Variants in UTP20 observed in about 807,000 individuals in gnomAD.
The protein encoded by UTP20 is UTP20 small subunit processome component.
Under a neutral mutation model 329.5 loss-of-function variants are expected in UTP20, and 164 were observed. The observed-to-expected ratio is 0.50, with a 90% confidence interval of 0.44 to 0.57. The LOEUF (loss-of-function observed/expected upper bound fraction) is 0.57. Ranked by LOEUF, UTP20 falls within the 20% of genes least tolerant of loss-of-function variation. UTP20 has a pLI of 0.00. For synonymous variants in UTP20, 1,151 were observed against 1,159.3 expected (o/e 0.99, Z 0.14); for missense variants, 3,055 against 3,284.2 (o/e 0.93, Z 1.71).
At chr12:101,318,991 A>G (rs762755899) in intron 22 of UTP20, among the ~76,000 whole-genome samples, 1 of 152,138 alleles carries the variant, frequency 6.6e-6, no homozygotes, top group Admixed American at 6.5e-5. Flanking sequence ...TCACTATACA[A>G]TACTCTCCCC....
rs147838898 is a variant in UTP20, at chr12:101,383,573, G to A, written c.7960G>A (p.Val2654Ile). ...ATGCATCTTTAAGTTCCTCGGCGCC[G>A]TAGCAATGGATCTTGGGATAGACAA... The part of the protein sequence containing the change: ...RTCIFKFLGA[V>I]AMDLGIDKVK... Residue 2654 changes from valine (V) to isoleucine (I), a missense_variant, in exon 60 of 62, where the codon GTA (valine) becomes ATA (isoleucine). This residue lies in a region of UTP20 where 337 missense variants were observed against 345.5 expected (regional missense o/e 0.98). Transcript: ENST00000261637. The A allele has an allele frequency of 1.9e-3, 2,987 of 1,613,206 alleles. 3 individuals carry two copies. The highest frequency in any genetic ancestry group is 2.3e-3 in the Admixed American group (138 of 59,792).
At chr12:101,313,733 A>T (rs962622222) in intron 21 of UTP20, among the ~76,000 whole-genome samples, 1 of 151,230 alleles carries the variant, frequency 6.6e-6, no homozygotes, top group African/African-American at 2.4e-5. Context: ...GGGGAGTGGG[A>T]CAGGAAGGAG....
chr12:101,299,755 T>C lies in UTP20; in HGVS notation c.1504T>C (p.Ser502Pro), dbSNP rs746321739. ...EQFPVLDHLLSIIKLPPNKDT... is the reference protein window; with the variant it reads ...EQFPVLDHLLPIIKLPPNKDT... ...GTTTCCAGTATTGGACCATCTTTTA[T>C]CTATAATTAAGTTACCCCCAAATAA... The change falls in exon 13 of 62, where the codon TCT becomes CCT. Residue 502 changes from serine (S) to proline (P), a missense_variant. Coordinates refer to ENST00000261637, the MANE Select transcript of UTP20 (RefSeq NM_014503.3). The C allele has an allele frequency of 1.2e-6, 2 of 1,613,498 alleles. No individual in the cohort carries two copies. The highest frequency in any genetic ancestry group is 1.7e-4 in the Middle Eastern group (1 of 6,056).
chr12:101,351,923 T>A (rs1869541712), intron 38 of UTP20, 132 bp from the exon 39 acceptor site: 2 of 1,061,812 alleles, frequency 1.9e-6, no homozygotes, highest in Non-Finnish European at 2.7e-6. Context: ...AGGGAAAAAA[T>A]TAGTATAGTT....
rs527697047 is a variant in UTP20, at chr12:101,292,912, G to A, written c.1174-256G>A. ...AATGGAGCACAGTAGTACACTTTGA[G>A]GGAAGATATACAATCATGCTGTTTG... On this transcript the variant is annotated intron_variant, in intron 10 of 61. Transcript: ENST00000261637. Among the ~76,000 whole-genome samples, 10 of 152,334 alleles carry A rather than the reference G, an allele frequency of 6.6e-5. No individual in the cohort carries two copies. The East Asian group carries it at 1.9e-3, about 29-fold the overall frequency.
chr12:101,332,949 G>A (rs1168612594), intron 27 of UTP20, among the ~76,000 whole-genome samples: 1 of 152,028 alleles, frequency 6.6e-6, no homozygotes, highest in East Asian at 1.9e-4. Context: ...AAAAAGTTTT[G>A]CTTTGTTTAG....
In UTP20 at chr12:101,340,907, G is replaced by A. The variant is rs537778362; in HGVS notation, c.4101+297G>A. Among the ~76,000 whole-genome samples, 3 of 132,754 alleles carry A rather than the reference G, an allele frequency of 2.3e-5. No homozygotes were observed. In the Admixed American group the frequency reaches 2.4e-4, roughly 11 times the overall value. 87.1% of individuals were successfully genotyped at this position (132,754 alleles called of 152,430 possible). Reference sequence around the variant, plus strand: ...TCAGGGGTTTTTCTTTCTCTAACAAGCCTGGAACCCAAGAAGTGCATTGTG... The same window carrying A: ...TCAGGGGTTTTTCTTTCTCTAACAAACCTGGAACCCAAGAAGTGCATTGTG... On this transcript the variant is annotated intron_variant, in intron 32 of 61. Transcript: ENST00000261637.
rs759969869 is a variant in UTP20, at chr12:101,352,136, T to G, written c.4966T>G (p.Leu1656Val). The G allele has an allele frequency of 1.9e-6, 3 of 1,613,966 alleles. No homozygotes were observed. In the Admixed American group the frequency reaches 5.0e-5, roughly 27 times the overall value. ...CTCTTGGTCAGCGTATATGTATTAC[T>G]TGAAACATTTCATTCATGTCTTACA... ...HLSWSAYMYYLKHFIHVLQTG... is the reference protein window; with the variant it reads ...HLSWSAYMYYVKHFIHVLQTG... Residue 1656 changes from leucine to valine, a missense_variant, in exon 39 of 62, where the codon TTG becomes GTG. Physicochemically the swap from Leu to Val is conservative, Grantham distance 32. Transcript: ENST00000261637.
chr12:101,329,905 G>A (rs1040401805), intron 27 of UTP20, among the ~76,000 whole-genome samples: 9 of 151,266 alleles, frequency 5.9e-5, no homozygotes, highest in African/African-American at 2.2e-4. Flanking sequence ...TAAAGTGAGA[G>A]GATCACTTGA....
chr12:101,354,910 C>CATGCAAGAGTTTGTCAGACAA lies in UTP20; in HGVS notation c.5187_5207dup (p.Asp1735_Asn1736insLysCysLysSerLeuSerAsp), dbSNP rs1869666317. On this transcript the variant is annotated inframe_insertion, in exon 41 of 62. Coordinates refer to ENST00000261637, the MANE Select transcript of UTP20 (RefSeq NM_014503.3). ...GTGGATGAGGAAGAGAAGGAATATA[C>CATGCAAGAGTTTGTCAGACAA]ATGCAAGAGTTTGTCAGACAACGGA... 1.2e-6 allele frequency: 2 copies of CATGCAAGAGTTTGTCAGACAA among 1,614,070 alleles called. No individual in the cohort carries two copies. Among genetic ancestry groups the CATGCAAGAGTTTGTCAGACAA allele is most frequent in the African/African-American group, 2.7e-5 (2 of 74,908 alleles).
At chr12:101,356,161 T>C (rs1299368035) in intron 41 of UTP20, among the ~76,000 whole-genome samples, 1 of 152,208 alleles carries the variant, frequency 6.6e-6, no homozygotes, top group African/African-American at 2.4e-5. Context: ...ACTTTCCCTC[T>C]TGTTGCCCAG....
At chr12:101,339,073 G>A in intron 31 of UTP20, 116 bp downstream of exon 31, 1 of 1,116,602 alleles carries the variant, frequency 9.0e-7, no homozygotes, top group Non-Finnish European at 1.2e-6. Flanking sequence ...AGCACTTTGG[G>A]AGGCTGAGGT....
At chr12:101,292,474 C>T (rs1327942853) in intron 10 of UTP20, among the ~76,000 whole-genome samples, 8 of 152,012 alleles carry the variant, frequency 5.3e-5, no homozygotes, top group Non-Finnish European at 1.2e-4. Context: ...GAGCCTGGAA[C>T]CGAGTAGTTA....
rs71438421 is a variant in UTP20, at chr12:101,295,458, A to ATT, written c.1252-13_1252-12dup. 25 of 1,454,458 alleles carry ATT rather than the reference A, an allele frequency of 1.7e-5. No individual in the cohort carries two copies. The East Asian group carries it at 3.1e-4, about 18-fold the overall frequency. The allele number at this position is 1,454,458 out of a possible 1,614,324, so 90.1% of individuals were successfully genotyped here. A position where few individuals can be genotyped will look rare whatever the true frequency, so the allele number is the denominator to read the frequency against. ...TTTATTATATCTGTTAATAAGTGTGATTTTTTTTTTCTTAACTTTAGCTTT... is the reference window on the plus strand; with the variant it reads ...TTTATTATATCTGTTAATAAGTGTGATTTTTTTTTTTTCTTAACTTTAGCTTT... On this transcript the variant is annotated intron_variant, in intron 11 of 61. Transcript: ENST00000261637.
chr12:101,308,282 A>C lies in UTP20; in HGVS notation c.2093A>C (p.His698Pro). The C allele has an allele frequency of 6.2e-7, 1 of 1,613,004 alleles. No homozygotes were observed. Among genetic ancestry groups the C allele is most frequent in the Non-Finnish European group, 8.5e-7 (1 of 1,179,552 alleles). Residue 698 changes from histidine (H) to proline (P), a missense_variant, in exon 18 of 62, where the codon CAT (histidine) becomes CCT (proline). This residue lies in a region of UTP20 where 2,445 missense variants were observed against 2,575.5 expected (regional missense o/e 0.95). Coordinates refer to ENST00000261637, the MANE Select transcript of UTP20 (RefSeq NM_014503.3). ...AATGATTATAGAGAGAAGCTTCTTC[A>C]TTTGAGAAAACTAAGACATGATGTG... is the stretch of plus-strand genomic sequence containing the variant. ...TVNDYREKLLHLRKLRHDVVQ... is the reference protein window; with the variant it reads ...TVNDYREKLLPLRKLRHDVVQ...
intron 25 of UTP20, among the ~76,000 whole-genome samples, chr12:101,322,191 T>C (rs1308204999): frequency 6.6e-6 from 1 of 152,116 alleles, no homozygotes; most frequent in Non-Finnish European, 1.5e-5. Context: ...AGTTTCACCA[T>C]GTTGGCCAGG....
At chr12:101,381,961 C>A (rs1343740663) in intron 58 of UTP20, among the ~76,000 whole-genome samples, 2 of 133,876 alleles carry the variant, frequency 1.5e-5, no homozygotes, top group Non-Finnish European at 3.0e-5. Context: ...AGAGGTTGCA[C>A]TAAGCCAAAA....
At chr12:101,291,949 C>T in intron 9 of UTP20, 21 bp from the exon 10 acceptor site, 3 of 1,609,876 alleles carry the variant, frequency 1.9e-6, no homozygotes, top group Non-Finnish European at 1.7e-6. Flanking sequence ...GCTGAGTATG[C>T]ATTGTTTTTT....
chr12:101,372,942 A>C lies in UTP20; in HGVS notation c.6857A>C (p.Glu2286Ala), dbSNP rs1357388069. 6.2e-7 allele frequency: 1 copy of C among 1,614,160 alleles called. No individual in the cohort carries two copies. ...PLGDKLRPNL[E>A]FMLAQLNYEH... ...GGTGACAAATTGAGACCAAACTTGG[A>C]ATTCATGCTCGCTCAACTGAAGTAA... is the stretch of plus-strand genomic sequence containing the variant. Residue 2286 changes from glutamate to alanine, a missense_variant, in exon 52 of 62, where the codon GAA (glutamate) becomes GCA (alanine). By Grantham distance (107) the Glu-to-Ala change is moderately radical. Coordinates refer to ENST00000261637, the MANE Select transcript of UTP20 (RefSeq NM_014503.3).
Sources: gnomAD v4.1 joint callset for allele counts (sites outside exome capture counted in the v4.1 genomes callset) on GRCh38, gnomAD v4.1.1 for gene constraint, gnomAD v4.1.1 regional missense constraint, MANE v1.5 for transcripts, NCBI Gene and HGNC (gene_info 2026-07-23, HGNC 2026-07-21) for gene names.